The following SLK variants were observed in gnomAD, a reference collection of about 807,000 sequenced individuals.
SLK encodes the protein STE20 like kinase.
In SLK, 67 loss-of-function variants were observed where a neutral mutation model predicts 147.7. The ratio of observed to expected loss-of-function variants is 0.45; its 90% CI spans 0.37 to 0.56. The LOEUF (loss-of-function observed/expected upper bound fraction) is 0.56, where lower values mean the gene tolerates loss of function less well. SLK is among the 20% of genes least tolerant of loss of function. SLK has a pLI of 0.00. For synonymous variants in SLK, 441 were observed against 475.0 expected (o/e 0.93, Z 0.93); for missense variants, 1,136 against 1,438.8 (o/e 0.79, Z 3.41).
At position 104,010,893 on chromosome 10, in the gene SLK, A is replaced by G; in HGVS notation, c.2862A>G (p.Gln954=). 1 of 1,585,424 alleles carries G rather than the reference A, an allele frequency of 6.3e-7. No individual in the cohort carries two copies. Among genetic ancestry groups the G allele is most frequent in the Non-Finnish European group, 8.5e-7 (1 of 1,171,674 alleles). The change falls in exon 13 of 19, where the codon CAA becomes CAG. Residue 954 remains glutamine (Q), a synonymous_variant. Transcript: ENST00000369755. ...AACGCAGGAAAGAGGAGCTTGCACA[A>G]AGCCAGCATGCTCAGGTAACAGCAG... is the stretch of plus-strand genomic sequence containing the variant. ...LMKRRKEELA[Q]SQHAQEQEFV...
Position 104,026,417 on chromosome 10 carries a change from G to T in SLK, c.*697G>T, listed in dbSNP as rs1422066713. ...ATCAACAGGGACAAAAACATCTTTA[G>T]AATTAAAAACATGGTTGTTTTGGAA... On this transcript the variant is annotated 3_prime_UTR_variant, in exon 19 of 19. Transcript: ENST00000369755. 3 of 152,500 alleles carry T rather than the reference G, an allele frequency of 2.0e-5. No individual in the cohort carries two copies. The allele number at this position is 152,500 out of a possible 1,614,324, so 9.4% of individuals were successfully genotyped here.
intron 18 of SLK, among the ~76,000 whole-genome samples, chr10:104,025,324 T>C (rs994086286): frequency 1.3e-5 from 2 of 152,168 alleles, no homozygotes; most frequent in Admixed American, 6.5e-5. Flanking sequence ...GCAGAGGAAT[T>C]GAGGAATTAA....
intron 1 of SLK, among the ~76,000 whole-genome samples, chr10:103,989,932 A>G (rs1164179326): frequency 6.6e-6 from 1 of 152,250 alleles, no homozygotes; most frequent in Non-Finnish European, 1.5e-5. Flanking sequence ...CTTGGAAACA[A>G]CCAACATATC....
intron 7 of SLK, 115 bp downstream of exon 7, chr10:104,000,063 A>G (rs1190091669): frequency 4.1e-6 from 2 of 482,064 alleles, no homozygotes; most frequent in Non-Finnish European, 7.5e-6. Flanking sequence ...TCAAAATGGC[A>G]GTAGTTAACA....
intron 18 of SLK, among the ~76,000 whole-genome samples, chr10:104,023,494 T>G (rs1005773064): frequency 6.6e-6 from 1 of 152,242 alleles, no homozygotes; most frequent in Non-Finnish European, 1.5e-5. Context: ...CTATTTGGTG[T>G]TGTTTATATA....
intron 7 of SLK, among the ~76,000 whole-genome samples, chr10:104,000,195 G>A (rs1454393715): frequency 6.6e-6 from 1 of 152,042 alleles, no homozygotes; most frequent in Non-Finnish European, 1.5e-5. Flanking sequence ...TTTCCATTAT[G>A]TCTCTCCAGT....
At chr10:103,982,029 T>C (rs1843951940) in intron 1 of SLK, among the ~76,000 whole-genome samples, 1 of 152,108 alleles carries the variant, frequency 6.6e-6, no homozygotes, top group Admixed American at 6.5e-5. Context: ...ATTGTACAAG[T>C]CTTTCATCTC....
chr10:104,019,604 T>G (rs1844509003), intron 15 of SLK, 130 bp from the exon 16 acceptor site: 2 of 748,458 alleles, frequency 2.7e-6, no homozygotes, highest in Non-Finnish European at 4.6e-6. Context: ...TGCCTAGTAT[T>G]TTGCTGGTCA....
chr10:103,986,403 T>A (rs1342053576), intron 1 of SLK, among the ~76,000 whole-genome samples: 2 of 152,150 alleles, frequency 1.3e-5, no homozygotes, highest in African/African-American at 4.8e-5. Context: ...CATACGCAGT[T>A]CACAATAGGG....
chr10:103,991,698 A>C (rs1245148763), intron 2 of SLK, among the ~76,000 whole-genome samples: 1 of 152,086 alleles, frequency 6.6e-6, no homozygotes, highest in Non-Finnish European at 1.5e-5. Flanking sequence ...AACAATTTCT[A>C]ATTGGCAAGC....
Position 104,018,650 on chromosome 10 carries a change from G to C in SLK, c.3008-134G>C, listed in dbSNP as rs933963217. 8.0e-6 allele frequency: 7 copies of C among 880,422 alleles called. No individual in the cohort carries two copies. In the African/African-American group the frequency reaches 1.2e-4, roughly 15 times the overall value. The allele number at this position is 880,422 out of a possible 1,614,324, so 54.5% of individuals were successfully genotyped here. On this transcript the variant is annotated intron_variant, in intron 14 of 18. Coordinates refer to ENST00000369755, the MANE Select transcript of SLK (RefSeq NM_014720.4). The stretch of plus-strand genomic sequence containing the variant: ...CCTTACATTGGTTACAGTTGCACTT[G>C]GACAGCTCAGAATGTCAACATGTGT...
chr10:103,993,580 C>G (rs1844128265), intron 4 of SLK, among the ~76,000 whole-genome samples: 1 of 152,020 alleles, frequency 6.6e-6, no homozygotes, highest in Non-Finnish European at 1.5e-5. Flanking sequence ...GGTACGTTGA[C>G]TAAACTAACA....
At chr10:104,000,763 GA>G (rs1264393814) in intron 7 of SLK, among the ~76,000 whole-genome samples, 2 of 152,088 alleles carry the variant, frequency 1.3e-5, no homozygotes, top group African/African-American at 4.8e-5. Context: ...TACTTTTTAA[GA>G]AGTAATAATG....
chr10:103,968,543 AT>A (rs1843749364), intron 1 of SLK, among the ~76,000 whole-genome samples: 1 of 152,212 alleles, frequency 6.6e-6, no homozygotes, highest in African/African-American at 2.4e-5. Flanking sequence ...ACACGCATGT[AT>A]TTATTTCAAT....
At chr10:104,014,590 A>G (rs892658307) in intron 13 of SLK, among the ~76,000 whole-genome samples, 1 of 152,176 alleles carries the variant, frequency 6.6e-6, no homozygotes, top group African/African-American at 2.4e-5. Context: ...GGGAGAAATT[A>G]TGAATTACGA....
At chr10:103,985,487 G>C (rs931960689) in intron 1 of SLK, among the ~76,000 whole-genome samples, 10 of 152,140 alleles carry the variant, frequency 6.6e-5, no homozygotes, top group African/African-American at 2.4e-4. Context: ...TCTTTTGGTG[G>C]GGGGAAGAAT....
In SLK at chr10:103,979,953, C is replaced by G. The variant is rs140053193; in HGVS notation, c.151-10722C>G. On this transcript the variant is annotated intron_variant, in intron 1 of 18. Transcript: ENST00000369755. The stretch of plus-strand genomic sequence containing the variant: ...TAACCAAGATGGTGAAGATATCCTG[C>G]TGTGTTATCTTTGTAAAGTTTTATG... Among the ~76,000 whole-genome samples the G allele has an allele frequency of 3.5e-3, 537 of 152,226 alleles. 2 individuals carry two copies. Among genetic ancestry groups the G allele is most frequent in the Non-Finnish European group, 5.9e-3 (403 of 68,008 alleles).
Position 104,026,150 on chromosome 10 carries a change from T to C in SLK, c.*430T>C, listed in dbSNP as rs1844596056. 6.5e-6 allele frequency: 1 copy of C among 153,578 alleles called. No homozygotes were observed. The allele number at this position is 153,578 out of a possible 1,614,324, so 9.5% of individuals were successfully genotyped here. On this transcript the variant is annotated 3_prime_UTR_variant, in exon 19 of 19. Coordinates refer to ENST00000369755, the MANE Select transcript of SLK (RefSeq NM_014720.4). ...TGCAGAGAGTTGGGATAATTTTCTT[T>C]TGGTGGATCAGCTCTCATAAAAAAG...
At chr10:104,017,931 T>C (rs1164303720) in intron 13 of SLK, among the ~76,000 whole-genome samples, 1 of 152,240 alleles carries the variant, frequency 6.6e-6, no homozygotes, top group East Asian at 1.9e-4. Context: ...ATTCTGTATG[T>C]ATCCTTCTTA....
Sources: allele counts gnomAD v4.1 joint callset (sites outside exome capture counted in the v4.1 genomes callset), GRCh38; gene constraint gnomAD v4.1.1; transcripts MANE v1.5; gene names NCBI Gene and HGNC (gene_info 2026-07-23, HGNC 2026-07-21).